PAGE3: variants seen among roughly 807,000 people sequenced by gnomAD.
PAGE3 encodes the protein P antigen family member 3.
In PAGE3, 9 loss-of-function variants were observed where a neutral mutation model predicts 3.8. That is an observed-to-expected ratio of 2.36 (90% CI 1.42 to 4.12). PAGE3 has a LOEUF of 4.12. Among genes scored for constraint, PAGE3 ranks in the 30% most tolerant of loss-of-function variants. The probability of loss-of-function intolerance (pLI) is 0.00; values close to 1 mark genes in which losing one functional copy is unlikely to be tolerated. For missense variants in PAGE3, 73 were observed against 37.8 expected (o/e 1.93, Z -2.44); for synonymous variants, 24 against 13.1 (o/e 1.83, Z -1.79).
chrX:55,258,585 A>G (rs1227009729), intron 4 of PAGE3, 57 bp from the exon 5 acceptor site: 7 of 544,103 alleles, frequency 1.3e-5, no homozygotes, highest in Admixed American at 5.0e-5. Context: ...TTATGATGAC[A>G]CTACGGGTTG....
At chrX:55,261,485 T>C (rs1270359507) in intron 3 of PAGE3, among the ~76,000 whole-genome samples, 2 of 111,846 alleles carry the variant, frequency 1.8e-5, no homozygotes, top group Non-Finnish European at 3.8e-5. Context: ...GCAACTTTTC[T>C]GTAAATTTTA....
intron 4 of PAGE3, among the ~76,000 whole-genome samples, chrX:55,259,800 AT>A (rs1353605543): frequency 9.2e-6 from 1 of 109,266 alleles, no homozygotes; most frequent in African/African-American, 3.3e-5. Context: ...TTATATTTTT[AT>A]TTTTTAATAA....
intron 1 of PAGE3, among the ~76,000 whole-genome samples, chrX:55,264,123 T>C (rs1351641000): frequency 2.7e-5 from 3 of 111,624 alleles, no homozygotes; most frequent in Non-Finnish European, 3.8e-5. Flanking sequence ...GCAAGGCTCA[T>C]GGCAAGATAG....
At chrX:55,260,786 G>T in intron 3 of PAGE3, 127 bp from the exon 4 acceptor site, 1 of 347,977 alleles carries the variant, frequency 2.9e-6, no homozygotes, top group Non-Finnish European at 5.1e-6. Context: ...TACACGCAAT[G>T]CATAAGAATT....
At chrX:55,264,107 T>C (rs1480140872) in intron 1 of PAGE3, among the ~76,000 whole-genome samples, 196 bp from the exon 2 acceptor site, 2 of 111,680 alleles carry the variant, frequency 1.8e-5, no homozygotes, top group Non-Finnish European at 3.8e-5. Flanking sequence ...ATGGCTATGG[T>C]AGCAGGCAAG....
intron 1 of PAGE3, 30 bp from the exon 2 acceptor site, chrX:55,263,941 T>G: frequency 1.8e-6 from 1 of 549,279 alleles, no homozygotes; most frequent in Non-Finnish European, 3.3e-6. Flanking sequence ...ATTCAGAAAA[T>G]GTACATAAGA....
rs942084974 is a variant in PAGE3, at chrX:55,258,445, G to T, written c.*61C>A. On this transcript the variant is annotated 3_prime_UTR_variant, in exon 5 of 5. Transcript: ENST00000374951. ...AGACAATTGTGAAACTTTATTGAGA[G>T]AATTTTACTGGTGAAGTTTCCAACA... is the stretch of plus-strand genomic sequence containing the variant. 3 of 553,210 alleles carry T rather than the reference G, an allele frequency of 5.4e-6. No homozygotes were observed. Among genetic ancestry groups the T allele is most frequent in the East Asian group, 3.3e-5 (1 of 30,015 alleles). The allele number at this position is 553,210 out of a possible 1,213,427, so 45.6% of individuals were successfully genotyped here.
At chrX:55,261,873 C>T (rs566144021) in intron 3 of PAGE3, among the ~76,000 whole-genome samples, 4 of 111,343 alleles carry the variant, frequency 3.6e-5, no homozygotes, top group African/African-American at 1.3e-4. Flanking sequence ...GATTTGTAAG[C>T]GTATGACATA....
chrX:55,258,554 A>G, intron 4 of PAGE3, 26 bp from the exon 5 acceptor site: 1 of 559,389 alleles, frequency 1.8e-6, no homozygotes, highest in East Asian at 3.3e-5. Flanking sequence ...AATAGTTGAG[A>G]GTATTTTTTA....
intron 1 of PAGE3, 97 bp from the exon 2 acceptor site, chrX:55,264,008 C>T: frequency 2.4e-6 from 1 of 410,928 alleles, no homozygotes. Flanking sequence ...CTCACGATTA[C>T]CCTGGGACTT....
At chrX:55,264,385 G>A (rs773658232) in intron 1 of PAGE3, among the ~76,000 whole-genome samples, 161 bp downstream of exon 1, 1 of 110,737 alleles carries the variant, frequency 9.0e-6, no homozygotes, top group Non-Finnish European at 1.9e-5. Flanking sequence ...CTCTGCCACC[G>A]TGGAGCGCTC....
At chrX:55,263,702 G>T (rs1938339322) in intron 2 of PAGE3, 118 bp downstream of exon 2, 1 of 435,592 alleles carries the variant, frequency 2.3e-6, no homozygotes, top group Admixed American at 4.0e-5. Context: ...TACTTCACGA[G>T]ATTCAATTAT....
intron 1 of PAGE3, among the ~76,000 whole-genome samples, chrX:55,264,217 C>T (rs780939554): frequency 3.6e-5 from 4 of 110,406 alleles, no homozygotes; most frequent in Admixed American, 9.7e-5. Flanking sequence ...GAATTGGAAC[C>T]GGAGTGACTA....
At chrX:55,264,496 G>C (rs911564999) in intron 1 of PAGE3, 50 bp downstream of exon 1, 4 of 111,092 alleles carry the variant, frequency 3.6e-5, no homozygotes, top group Admixed American at 9.6e-5. Context: ...TTAAGAACTG[G>C]GGAATCTGTC....
Position 55,264,688 on chromosome X carries a change from G to T in PAGE3, c.-151C>A, listed in dbSNP as rs1452961473. 4 of 111,900 alleles carry T rather than the reference G, an allele frequency of 3.6e-5. No homozygotes were observed. The highest frequency in any genetic ancestry group is 1.3e-4 in the African/African-American group (4 of 30,780). The allele number at this position is 111,900 out of a possible 1,213,427, so 9.2% of individuals were successfully genotyped here. On this transcript the variant is annotated 5_prime_UTR_variant, in exon 1 of 5. Transcript: ENST00000374951. ...CTGGGAGGAGCCGGACGTCGACGGC[G>T]AGGCCCTTTTCTCTCAGAAGCCACG...
intron 4 of PAGE3, 51 bp downstream of exon 4, chrX:55,260,483 T>C (rs1938269221): frequency 1.9e-6 from 1 of 528,802 alleles, no homozygotes; most frequent in Non-Finnish European, 3.5e-6. Flanking sequence ...AAATATATAG[T>C]ATTTTTGAAA....
chrX:55,263,177 C>A, intron 3 of PAGE3, 74 bp downstream of exon 3: 1 of 454,831 alleles, frequency 2.2e-6, no homozygotes, highest in South Asian at 3.6e-5. Flanking sequence ...CCTCCTTTTA[C>A]TTCCATATCA....
chrX:55,263,194 A>G, intron 3 of PAGE3, 57 bp downstream of exon 3: 4 of 506,721 alleles, frequency 7.9e-6, no homozygotes, highest in Non-Finnish European at 1.4e-5. Flanking sequence ...ATCATAATAC[A>G]TGATATATAC....
chrX:55,259,579 G>A (rs773993294), intron 4 of PAGE3, among the ~76,000 whole-genome samples: 1 of 110,330 alleles, frequency 9.1e-6, no homozygotes, highest in African/African-American at 3.3e-5. Context: ...TTTTTATTGT[G>A]TATACTTGAG....
Sources: gnomAD v4.1 joint callset for allele counts (sites outside exome capture counted in the v4.1 genomes callset) on GRCh38, gnomAD v4.1.1 for gene constraint, MANE v1.5 for transcripts, NCBI Gene and HGNC (gene_info 2026-07-23, HGNC 2026-07-21) for gene names.